AIMP2: variants seen among roughly 807,000 people sequenced by gnomAD.
AIMP2 encodes aminoacyl tRNA synthetase complex interacting multifunctional protein 2, also known as aminoacyl tRNA synthase complex-interacting multifunctional protein 2.
AIMP2 carries 20 observed loss-of-function variants against 23.4 expected under a neutral mutation model. The ratio of observed to expected loss-of-function variants is 0.85; its 90% CI spans 0.60 to 1.24. The LOEUF (loss-of-function observed/expected upper bound fraction) is 1.24. AIMP2 is among the 50% of genes most tolerant of loss of function. The pLI, the probability that AIMP2 is intolerant of heterozygous loss-of-function variation, is 0.00. For missense variants in AIMP2, 515 were observed against 414.5 expected, an observed-to-expected ratio of 1.24 and a Z score of -2.10; for synonymous variants, 210 against 170.4, an observed-to-expected ratio of 1.23 and a Z score of -1.81.
At chr7:6,022,372 A>C (rs1186422916) in intron 3 of AIMP2, 1 of 152,240 alleles carries the variant, frequency 6.6e-6, no homozygotes, top group Non-Finnish European at 1.5e-5. Flanking sequence ...TTAGTGCTTA[A>C]GTTTTGAAGG....
At chr7:6,012,821 A>G in intron 1 of AIMP2, 1 of 1,022,512 alleles carries the variant, frequency 9.8e-7, no homozygotes, top group East Asian at 9.7e-5. Context: ...CAAAGTGCTG[A>G]GATTACAGGT....
intron 3 of AIMP2, among the ~76,000 whole-genome samples, chr7:6,020,470 G>A (rs1583462559): frequency 6.6e-6 from 1 of 152,274 alleles, no homozygotes; most frequent in Admixed American, 6.5e-5. Flanking sequence ...CAGGATTACT[G>A]TTAGGCATAC....
intron 1 of AIMP2, among the ~76,000 whole-genome samples, chr7:6,010,446 TTG>T (rs1210518810): frequency 2.4e-5 from 2 of 83,174 alleles, no homozygotes; most frequent in African/African-American, 7.3e-5. Context: ...GTCTGGTTTT[TTG>T]TTTTTTTTTT....
chr7:6,022,784 T>C (rs922518214), intron 3 of AIMP2: 2 of 152,912 alleles, frequency 1.3e-5, no homozygotes, highest in African/African-American at 4.8e-5. Flanking sequence ...TTCAAGAACT[T>C]ACCATCATAG....
rs772768946 is a variant in AIMP2, at chr7:6,015,128, G to A, written c.136-18G>A. 1.4e-5 allele frequency: 23 copies of A among 1,613,708 alleles called. No homozygotes were observed. The highest frequency in any genetic ancestry group is 2.2e-5 in the East Asian group (1 of 44,888). On this transcript the variant is annotated intron_variant, in intron 1 of 3. Coordinates refer to ENST00000223029, the MANE Select transcript of AIMP2 (RefSeq NM_006303.4). The stretch of plus-strand genomic sequence containing the variant: ...CTGATGGGAGAGGAAATGAACATTT[G>A]GCTGTTGGTTTGTTTAGGAAGAGTC...
chr7:6,010,514 A>C (rs2128874114), intron 1 of AIMP2, among the ~76,000 whole-genome samples: 1 of 150,558 alleles, frequency 6.6e-6, no homozygotes, highest in Admixed American at 6.6e-5. Flanking sequence ...CAGTGGTGTG[A>C]TTTTAGCTCA....
chr7:6,013,070 G>A, intron 1 of AIMP2: 3 of 770,294 alleles, frequency 3.9e-6, no homozygotes, highest in Non-Finnish European at 4.7e-6. Flanking sequence ...TGTGGTCAGA[G>A]CCAGGGTGGT....
At chr7:6,021,462 C>A (rs1787410895) in intron 3 of AIMP2, among the ~76,000 whole-genome samples, 1 of 151,748 alleles carries the variant, frequency 6.6e-6, no homozygotes, top group African/African-American at 2.4e-5. Flanking sequence ...TGAAACAGTA[C>A]ATTCCTCCTG....
chr7:6,023,253 T>A (rs777672821), intron 3 of AIMP2, 50 bp from the exon 4 acceptor site: 94 of 1,527,296 alleles, frequency 6.2e-5, no homozygotes, highest in Non-Finnish European at 7.9e-5. Context: ...TGCGAGTACT[T>A]CCCTCAGGGC....
At chr7:6,009,974 A>AATATATACATATATATATATAT (rs1554310936) in intron 1 of AIMP2, among the ~76,000 whole-genome samples, 1 of 26,662 alleles carries the variant, frequency 3.8e-5, no homozygotes, top group Non-Finnish European at 6.8e-5. Flanking sequence ...AAAAAAAAAA[A>AATATATACATATATATATATAT]ATATATATAT....
intron 3 of AIMP2, 86 bp from the exon 4 acceptor site, chr7:6,023,217 T>G (rs888003176): frequency 2.8e-6 from 4 of 1,441,122 alleles, no homozygotes; most frequent in Non-Finnish European, 3.7e-6. Context: ...GTCTGTGGTG[T>G]TTGGTGACTG....
intron 1 of AIMP2, among the ~76,000 whole-genome samples, chr7:6,014,250 C>CTTT (rs57008315): frequency 0.011 from 774 of 67,590 alleles, 10 homozygotes; most frequent in Non-Finnish European, 0.013. Flanking sequence ...TTTGTTGAAG[C>CTTT]TTTTTTTTTT....
chr7:6,018,155 T>C (rs1787150763), intron 3 of AIMP2, 110 bp downstream of exon 3: 2 of 946,774 alleles, frequency 2.1e-6, no homozygotes, highest in Non-Finnish European at 3.1e-6. Context: ...TCTTTTTTTT[T>C]TTTTTTTTTG....
rs778159560 is a variant in AIMP2, at chr7:6,023,286, G to C, written c.575-17G>C. 6.4e-7 allele frequency: 1 copy of C among 1,573,498 alleles called. No individual in the cohort carries two copies. Among genetic ancestry groups the C allele is most frequent in the African/African-American group, 1.4e-5 (1 of 73,742 alleles). On this transcript the variant is annotated splice_polypyrimidine_tract_variant and intron_variant, in intron 3 of 3. Coordinates refer to ENST00000223029, the MANE Select transcript of AIMP2 (RefSeq NM_006303.4). The stretch of plus-strand genomic sequence containing the variant: ...GGCTGCTCTGGTGATGCTACCTGGC[G>C]TGTTTTTTCTTTTCAGTGCCGAAGA...
chr7:6,013,255 ATTT>A (rs71008349), intron 1 of AIMP2: 34,919 of 116,260 alleles, frequency 0.3, 3,938 homozygotes, highest in Non-Finnish European at 0.35. Context: ...ACAATATCTG[ATTT>A]TTTTTTTTTT....
intron 2 of AIMP2, among the ~76,000 whole-genome samples, chr7:6,016,474 G>C (rs561711399): frequency 6.6e-6 from 1 of 152,240 alleles, no homozygotes; most frequent in African/African-American, 2.4e-5. Flanking sequence ...TCCTTCCTCT[G>C]CTCCCTCATT....
intron 1 of AIMP2, among the ~76,000 whole-genome samples, chr7:6,011,522 C>T (rs1245805335): frequency 6.6e-6 from 1 of 152,192 alleles, no homozygotes; most frequent in African/African-American, 2.4e-5. Context: ...CTGTCCATTT[C>T]TGACACAAGA....
chr7:6,011,115 C>A (rs1412455657), intron 1 of AIMP2, among the ~76,000 whole-genome samples: 1 of 152,132 alleles, frequency 6.6e-6, no homozygotes, highest in Non-Finnish European at 1.5e-5. Context: ...GGATTGTTTT[C>A]CATTTTAACT....
At position 6,009,511 on chromosome 7, in the gene AIMP2, G is replaced by A; in HGVS notation, c.135+13G>A. On this transcript the variant is annotated intron_variant, in intron 1 of 3. Transcript: ENST00000223029. ...TGGCCACGTGCAGGTAGGAGCGCGG[G>A]GCCCCCCGCCCAGTGCGCACGCGCG... The A allele has an allele frequency of 3.3e-6, 5 of 1,501,210 alleles. No individual in the cohort carries two copies. Among genetic ancestry groups the A allele is most frequent in the Non-Finnish European group, 4.4e-6 (5 of 1,133,422 alleles). The allele number at this position is 1,501,210 out of a possible 1,614,324, so 93.0% of individuals were successfully genotyped here. A position where few individuals can be genotyped will look rare whatever the true frequency, so the allele number is the denominator to read the frequency against.
Sources: gnomAD v4.1 joint callset for allele counts (sites outside exome capture counted in the v4.1 genomes callset) on GRCh38, gnomAD v4.1.1 for gene constraint, MANE v1.5 for transcripts, NCBI Gene and HGNC (gene_info 2026-07-23, HGNC 2026-07-21) for gene names.